Variants in DCDC1 observed in about 807,000 individuals in gnomAD.
The protein encoded by DCDC1 is doublecortin domain containing 1.
Under a neutral mutation model 178.3 loss-of-function variants are expected in DCDC1, and 200 were observed. That is an observed-to-expected ratio of 1.12 (90% confidence interval 1.00 to 1.26). The LOEUF is 1.26. Ranked by LOEUF, DCDC1 falls within the 50% of genes most tolerant of loss-of-function variation. The probability of loss-of-function intolerance (pLI) is 0.00; values close to 1 mark genes in which losing one functional copy is unlikely to be tolerated. For synonymous variants in DCDC1, 690 were observed against 604.8 expected (o/e 1.14, Z -2.07); for missense variants, 1,983 against 1,749.2 (o/e 1.13, Z -2.38).
In DCDC1 at chr11:30,998,768, C is replaced by T. The variant is rs148397158; in HGVS notation, c.2592-46200G>A. The stretch of plus-strand genomic sequence containing the variant: ...TCCACAAATTTTTTAATGGTCCTCC[C>T]TCTAGGAGGTAAGAGCTTAATTCCT... On this transcript the variant is annotated intron_variant, in intron 20 of 38. Coordinates refer to ENST00000684477, the MANE Select transcript of DCDC1 (RefSeq NM_001387274.1). 6.3e-3 allele frequency among the ~76,000 whole-genome samples: 962 copies of T among 152,186 alleles called. 5 individuals carry two copies. Among genetic ancestry groups the T allele is most frequent in the Non-Finnish European group, 9.1e-3 (617 of 67,986 alleles).
chr11:31,094,802 T>TTA (rs1555051410), intron 15 of DCDC1, among the ~76,000 whole-genome samples: 12 of 152,066 alleles, frequency 7.9e-5, no homozygotes, highest in South Asian at 4.2e-4. Flanking sequence ...TTCTTTTTTT[T>TTA]TATATATATA....
At chr11:30,940,955 T>C (rs1053893232) in intron 21 of DCDC1, among the ~76,000 whole-genome samples, 1 of 152,222 alleles carries the variant, frequency 6.6e-6, no homozygotes, top group Non-Finnish European at 1.5e-5. Context: ...TGTTTCCTTT[T>C]TAAAATTTTC....
intron 8 of DCDC1, among the ~76,000 whole-genome samples, chr11:31,245,246 C>T (rs1943470030): frequency 6.6e-6 from 1 of 151,164 alleles, no homozygotes; most frequent in Non-Finnish European, 1.5e-5. Context: ...CTTGTCCCCT[C>T]CCACTTTCAT....
intron 27 of DCDC1, among the ~76,000 whole-genome samples, chr11:30,913,422 A>T (rs749626266): frequency 6.6e-6 from 1 of 152,064 alleles, no homozygotes. Flanking sequence ...AAACAAACAA[A>T]AAAAACTATT....
At chr11:31,339,318 C>T (rs899662447) in intron 1 of DCDC1, among the ~76,000 whole-genome samples, 1 of 152,098 alleles carries the variant, frequency 6.6e-6, no homozygotes, top group Non-Finnish European at 1.5e-5. Flanking sequence ...CTTTTTACAA[C>T]GCAAGGGCAC....
chr11:31,218,229 T>C (rs1246242707), intron 9 of DCDC1, among the ~76,000 whole-genome samples: 1 of 152,068 alleles, frequency 6.6e-6, no homozygotes, highest in Non-Finnish European at 1.5e-5. Context: ...TGTACTGAAG[T>C]TCTCACAAAA....
intron 9 of DCDC1, among the ~76,000 whole-genome samples, chr11:31,210,873 TACTC>T (rs1972448495): frequency 1.3e-5 from 2 of 152,168 alleles, no homozygotes; most frequent in Admixed American, 6.6e-5. Context: ...GAGGATATCT[TACTC>T]ACATTCACAC....
At position 31,065,064 on chromosome 11, in the gene DCDC1, G is replaced by C. The variant is rs765462679; in HGVS notation, c.2388C>G (p.Ala796=). The C allele has an allele frequency of 3.9e-6, 3 of 765,164 alleles. No individual in the cohort carries two copies. The highest frequency in any genetic ancestry group is 2.4e-6 in the Non-Finnish European group (1 of 417,416). 47.4% of individuals were successfully genotyped at this position (765,164 alleles called of 1,614,324 possible). The change falls in exon 19 of 39, where the codon GCC becomes GCG. Residue 796 remains alanine (A), a synonymous_variant. Transcript: ENST00000684477. ...CATGTTCCTGATGAGCTGTGGTCCAGGCACCATGGTGAATGTGATACTCTG... is the reference window on the plus strand; with the variant it reads ...CATGTTCCTGATGAGCTGTGGTCCACGCACCATGGTGAATGTGATACTCTG... The part of the protein sequence containing the change: ...TQTEYHIHHG[A]WTTAHQEHGR...
At chr11:31,296,906 A>G (rs867908923) in intron 6 of DCDC1, among the ~76,000 whole-genome samples, 7 of 152,108 alleles carry the variant, frequency 4.6e-5, no homozygotes, top group Non-Finnish European at 7.4e-5. Context: ...CTCCCCCAAC[A>G]TGAGGGGATT....
intron 23 of DCDC1, 121 bp from the exon 24 acceptor site, chr11:30,922,759 T>G (rs1471178265): frequency 1.0e-6 from 1 of 975,786 alleles, no homozygotes; most frequent in Non-Finnish European, 1.4e-6. Context: ...GGTGAATGAT[T>G]AAAGAAAACT....
In DCDC1 at chr11:30,899,558, T is replaced by G; in HGVS notation, c.4748A>C (p.Lys1583Thr). The G allele has an allele frequency of 6.3e-7, 1 of 1,574,880 alleles. No individual in the cohort carries two copies. Among genetic ancestry groups the G allele is most frequent in the East Asian group, 2.3e-5 (1 of 44,262 alleles). The part of the protein sequence containing the change: ...ILADLDTMRH[K>T]MRQLKGRRVA... Reference sequence around the variant, plus strand: ...ATACTGACCTTTTAACTGTCTCATTTTGTGTCTCATGGTATCTAGATCAGC... The same window carrying G: ...ATACTGACCTTTTAACTGTCTCATTGTGTGTCTCATGGTATCTAGATCAGC... The change falls in exon 34 of 39, where the codon AAA (lysine) becomes ACA (threonine). Residue 1583 changes from lysine (K) to threonine (T), a missense_variant. Coordinates refer to ENST00000684477, the MANE Select transcript of DCDC1 (RefSeq NM_001387274.1).
intron 17 of DCDC1, among the ~76,000 whole-genome samples, chr11:31,079,805 G>T (rs1329727067): frequency 6.6e-6 from 1 of 152,142 alleles, no homozygotes; most frequent in Non-Finnish European, 1.5e-5. Flanking sequence ...ATGAGGTGGA[G>T]GTTAGAGAGA....
chr11:31,334,441 G>A (rs1019767694), intron 2 of DCDC1, among the ~76,000 whole-genome samples: 1 of 152,200 alleles, frequency 6.6e-6, no homozygotes, highest in African/African-American at 2.4e-5. Context: ...GAGCTGCGAT[G>A]CTTTGGAGGA....
At chr11:30,940,330 G>T (rs1947550816) in intron 21 of DCDC1, among the ~76,000 whole-genome samples, 1 of 152,190 alleles carries the variant, frequency 6.6e-6, no homozygotes, top group East Asian at 1.9e-4. Context: ...CAGACCCCCA[G>T]TTGTTATGAT....
intron 21 of DCDC1, chr11:30,944,357 T>C (rs776942266): frequency 6.6e-6 from 3 of 456,252 alleles, no homozygotes. Flanking sequence ...ATGTAAGACA[T>C]AATGGTTAGA....
At chr11:30,981,791 T>C (rs889000126) in intron 20 of DCDC1, among the ~76,000 whole-genome samples, 1 of 152,218 alleles carries the variant, frequency 6.6e-6, no homozygotes, top group African/African-American at 2.4e-5. Context: ...GCTAAAGTTA[T>C]AGAATAATAA....
chr11:31,095,516 T>C (rs1958094087), intron 15 of DCDC1, among the ~76,000 whole-genome samples: 1 of 152,178 alleles, frequency 6.6e-6, no homozygotes, highest in Non-Finnish European at 1.5e-5. Context: ...GTTGATCTGA[T>C]AAGGGTAGAG....
At chr11:31,215,262 C>T (rs1352722690) in intron 9 of DCDC1, 1 of 183,120 alleles carries the variant, frequency 5.5e-6, no homozygotes, top group Non-Finnish European at 1.2e-5. Context: ...AGACCCAGTT[C>T]TCTAAAAATA....
chr11:30,866,974 A>G (rs1340001513), intron 38 of DCDC1, among the ~76,000 whole-genome samples: 4 of 151,870 alleles, frequency 2.6e-5, no homozygotes, highest in Non-Finnish European at 4.4e-5. Context: ...CAGTAAGAAG[A>G]CCCTCACCAT....
Sources: gnomAD v4.1 joint callset for allele counts (sites outside exome capture counted in the v4.1 genomes callset) on GRCh38, gnomAD v4.1.1 for gene constraint, MANE v1.5 for transcripts, NCBI Gene and HGNC (gene_info 2026-07-23, HGNC 2026-07-21) for gene names.